BCOR: variants seen among roughly 807,000 people sequenced by gnomAD.
BCOR encodes the protein BCL6 corepressor, also known as BCL-6 corepressor.
Under a neutral mutation model 86.7 loss-of-function variants are expected in BCOR, and 10 were observed. That is an observed-to-expected ratio of 0.12 (90% confidence interval 0.07 to 0.20). The LOEUF (loss-of-function observed/expected upper bound fraction) is 0.20, where lower values mean the gene tolerates loss of function less well. Among genes scored for constraint, BCOR ranks in the 10% least tolerant of loss-of-function variants. The pLI, the probability that BCOR is intolerant of heterozygous loss-of-function variation, is 1.00. For missense variants in BCOR, 1,259 were observed against 1,452.1 expected (o/e 0.87, Z 2.16); for synonymous variants, 611 against 609.0 (o/e 1.00, Z -0.05).
At chrX:40,080,839 T>C (rs1376036687) in intron 1 of BCOR, among the ~76,000 whole-genome samples, 1 of 101,947 alleles carries the variant, frequency 9.8e-6, no homozygotes, top group Non-Finnish European at 2.0e-5. Context: ...TGTGTGTGTG[T>C]GTGTGTGTGT....
chrX:40,083,517 G>A (rs368768488), intron 1 of BCOR, among the ~76,000 whole-genome samples: 94 of 112,478 alleles, frequency 8.4e-4, no homozygotes, highest in African/African-American at 2.9e-3. Context: ...CCTCCTCCCG[G>A]GGCGTCGGGG....
At chrX:40,129,377 G>A (rs1937579407) in intron 1 of BCOR, among the ~76,000 whole-genome samples, 1 of 110,694 alleles carries the variant, frequency 9.0e-6, no homozygotes, top group South Asian at 3.9e-4. Context: ...CCAGCTACTC[G>A]GGAGGCTGAG....
At chrX:40,168,942 G>A (rs1467875495) in intron 1 of BCOR, among the ~76,000 whole-genome samples, 2 of 112,390 alleles carry the variant, frequency 1.8e-5, no homozygotes, top group African/African-American at 6.4e-5. Flanking sequence ...CCTGGCCGGC[G>A]CAGGGCGAAG....
At chrX:40,065,216 G>A (rs1487219551) in intron 6 of BCOR, among the ~76,000 whole-genome samples, 2 of 112,416 alleles carry the variant, frequency 1.8e-5, no homozygotes, top group African/African-American at 6.5e-5. Context: ...CCAGAGGGAG[G>A]CAGGGAACCC....
intron 6 of BCOR, among the ~76,000 whole-genome samples, chrX:40,065,448 A>T (rs1025776772): frequency 1.8e-5 from 2 of 112,518 alleles, no homozygotes; most frequent in South Asian, 7.3e-4. Context: ...CCTCTGTCAC[A>T]GGCAAGCATC....
chrX:40,145,468 T>C (rs1304208017), intron 1 of BCOR, among the ~76,000 whole-genome samples: 2 of 110,950 alleles, frequency 1.8e-5, no homozygotes, highest in Non-Finnish European at 3.8e-5. Flanking sequence ...CGGCAGGGCT[T>C]GGCCTTAAAG....
chrX:40,154,479 C>A (rs1938243220), intron 1 of BCOR, among the ~76,000 whole-genome samples: 1 of 111,019 alleles, frequency 9.0e-6, no homozygotes, highest in African/African-American at 3.3e-5. Context: ...CAGGGCGCTG[C>A]CTGTTGGAGA....
At chrX:40,172,172 A>G (rs1938638109) in intron 1 of BCOR, among the ~76,000 whole-genome samples, 1 of 112,858 alleles carries the variant, frequency 8.9e-6, no homozygotes, top group African/African-American at 3.2e-5. Flanking sequence ...CAAGACGAGC[A>G]GGGTAGACTA....
At chrX:40,143,287 C>T (rs920898230) in intron 1 of BCOR, among the ~76,000 whole-genome samples, 2 of 112,259 alleles carry the variant, frequency 1.8e-5, no homozygotes, top group African/African-American at 6.5e-5. Flanking sequence ...TGCCGCCTTT[C>T]CCTCTCTCTT....
At chrX:40,058,999 C>T (rs761275909) in intron 10 of BCOR, among the ~76,000 whole-genome samples, 2 of 112,182 alleles carry the variant, frequency 1.8e-5, no homozygotes, top group South Asian at 7.4e-4. Flanking sequence ...TCAATCTACC[C>T]GGATCCCGGC....
chrX:40,127,893 TAAATAAATAAATAAA>T (rs1937561469), intron 1 of BCOR, among the ~76,000 whole-genome samples: 1 of 104,430 alleles, frequency 9.6e-6, no homozygotes, highest in Non-Finnish European at 1.9e-5. Context: ...AATAAATAAA[TAAATAAATAAATAAA>T]TTTAAAAAAA....
upstream of BCOR, among the ~76,000 whole-genome samples, chrX:40,098,892 G>A (rs1242328894): frequency 3.6e-5 from 4 of 112,467 alleles, no homozygotes; most frequent in Non-Finnish European, 7.5e-5. Flanking sequence ...TGGAGGCACC[G>A]GGAGGCGTGT....
chrX:40,143,577 A>G (rs1014246398), intron 1 of BCOR, among the ~76,000 whole-genome samples: 10 of 112,987 alleles, frequency 8.9e-5, no homozygotes, highest in African/African-American at 2.9e-4. Context: ...GAAAGATGGT[A>G]TCAAGGCCAA....
chrX:40,061,029 C>T (rs1934838840), intron 10 of BCOR, among the ~76,000 whole-genome samples: 1 of 112,391 alleles, frequency 8.9e-6, no homozygotes, highest in African/African-American at 3.2e-5. Context: ...GGTTAAGGTG[C>T]ATGAGCCTGG....
intron 1 of BCOR, among the ~76,000 whole-genome samples, chrX:40,126,684 G>A (rs1937548877): frequency 9.0e-6 from 1 of 111,073 alleles, no homozygotes; most frequent in East Asian, 2.8e-4. Flanking sequence ...GCGAAACCCT[G>A]TCTCTACTGA....
chrX:40,085,596 T>TG lies in BCOR; in HGVS notation c.-40-7628dup, dbSNP rs1405093892. 3.8e-3 allele frequency among the ~76,000 whole-genome samples: 413 copies of TG among 109,099 alleles called. 2 individuals carry two copies. The highest frequency in any genetic ancestry group is 0.012 in the African/African-American group (370 of 29,901). The allele number at this position is 109,099 out of a possible 115,157, so 94.7% of individuals were successfully genotyped here. ...ACTTAGGGAGGGGAGGTGCTGAGGG[T>TG]GGGGGGGACAGGAGAGAATGAAGTA... On this transcript the variant is annotated intron_variant, in intron 1 of 14. Transcript: ENST00000378444.
intron 1 of BCOR, among the ~76,000 whole-genome samples, chrX:40,136,969 C>T (rs1369856705): frequency 8.9e-6 from 1 of 111,896 alleles, no homozygotes. Context: ...GTGGCTTTGC[C>T]AGTGCCATCC....
chrX:40,149,472 G>A (rs1026425417), intron 1 of BCOR, among the ~76,000 whole-genome samples: 2 of 111,215 alleles, frequency 1.8e-5, no homozygotes, highest in Non-Finnish European at 3.8e-5. Context: ...AGCGCCAGGG[G>A]AAGTGAGGAG....
intron 1 of BCOR, among the ~76,000 whole-genome samples, chrX:40,155,918 C>CCTGCACCCAGG (rs1938283022): frequency 8.9e-6 from 1 of 112,683 alleles, no homozygotes; most frequent in Admixed American, 9.2e-5. Context: ...CACCTCGCTG[C>CCTGCACCCAGG]CCCTCCTGGA....
Sources: allele counts gnomAD v4.1 joint callset (sites outside exome capture counted in the v4.1 genomes callset), GRCh38; gene constraint gnomAD v4.1.1; transcripts MANE v1.5; gene names NCBI Gene and HGNC (gene_info 2026-07-23, HGNC 2026-07-21).